KCNIP4: variants seen among roughly 807,000 people sequenced by gnomAD.
KCNIP4 encodes Kv channel-interacting protein 4.
Under a neutral mutation model 34.0 loss-of-function variants are expected in KCNIP4, and 12 were observed. The ratio of observed to expected loss-of-function variants is 0.35; its 90% CI spans 0.23 to 0.57. The LOEUF (loss-of-function observed/expected upper bound fraction) is 0.57. Among genes scored for constraint, KCNIP4 ranks in the 20% least tolerant of loss-of-function variants. The pLI, the probability that KCNIP4 is intolerant of heterozygous loss-of-function variation, is 0.83. For missense variants in KCNIP4, 238 were observed against 311.7 expected (o/e 0.76, Z 1.78); for synonymous variants, 124 against 102.2 (o/e 1.21, Z -1.29).
At chr4:21,431,181 G>A (rs1726410954) in intron 1 of KCNIP4, among the ~76,000 whole-genome samples, 1 of 151,756 alleles carries the variant, frequency 6.6e-6, no homozygotes, top group African/African-American at 2.4e-5. Flanking sequence ...AAAAAAAAAG[G>A]AAAAGTAAGG....
intron 1 of KCNIP4, among the ~76,000 whole-genome samples, chr4:21,202,199 C>T (rs1419860189): frequency 6.6e-6 from 1 of 152,140 alleles, no homozygotes; most frequent in Non-Finnish European, 1.5e-5. Flanking sequence ...TAATGTTGGA[C>T]TGGATAAAGA....
chr4:20,784,076 T>C (rs935555907), intron 3 of KCNIP4, among the ~76,000 whole-genome samples: 3 of 152,196 alleles, frequency 2.0e-5, no homozygotes, highest in Non-Finnish European at 4.4e-5. Context: ...AAAACTCACA[T>C]TCAAACACTA....
chr4:21,828,524 T>C (rs1000150104), intron 1 of KCNIP4, among the ~76,000 whole-genome samples: 13 of 151,852 alleles, frequency 8.6e-5, no homozygotes, highest in Non-Finnish European at 1.5e-4. Context: ...TTGAAAACAA[T>C]GTAAATAAAA....
intron 1 of KCNIP4, among the ~76,000 whole-genome samples, chr4:21,511,714 T>C (rs893340801): frequency 6.6e-6 from 1 of 152,016 alleles, no homozygotes; most frequent in African/African-American, 2.4e-5. Flanking sequence ...CAGAAAATCA[T>C]GTGTCTGAAT....
intron 1 of KCNIP4, among the ~76,000 whole-genome samples, chr4:21,671,996 A>G (rs1344213134): frequency 6.6e-6 from 1 of 152,198 alleles, no homozygotes; most frequent in Non-Finnish European, 1.5e-5. Context: ...TGAGCACTTC[A>G]TAGACTCTCT....
At chr4:21,878,024 T>A (rs530587446) in intron 1 of KCNIP4, among the ~76,000 whole-genome samples, 1 of 152,132 alleles carries the variant, frequency 6.6e-6, no homozygotes. Context: ...TACACTTTTG[T>A]ATGTGTGTGT....
chr4:21,800,910 A>G (rs1402266925), intron 1 of KCNIP4, among the ~76,000 whole-genome samples: 1 of 152,190 alleles, frequency 6.6e-6, no homozygotes, highest in Non-Finnish European at 1.5e-5. Context: ...TATGGTCATA[A>G]CATTTGCCAA....
chr4:21,491,789 A>G (rs1732421076), intron 1 of KCNIP4, among the ~76,000 whole-genome samples: 1 of 151,738 alleles, frequency 6.6e-6, no homozygotes, highest in Non-Finnish European at 1.5e-5. Context: ...ATGTGATAAG[A>G]ATCATTTTCT....
intron 3 of KCNIP4, among the ~76,000 whole-genome samples, chr4:20,841,405 C>A (rs1393756173): frequency 2.0e-5 from 3 of 152,142 alleles, no homozygotes; most frequent in Non-Finnish European, 4.4e-5. Flanking sequence ...CCAAAATAAG[C>A]ACTATGATGG....
chr4:21,637,229 C>T (rs766783143), intron 1 of KCNIP4, among the ~76,000 whole-genome samples: 4 of 151,978 alleles, frequency 2.6e-5, no homozygotes, highest in Non-Finnish European at 5.9e-5. Context: ...TTCTCCAGGT[C>T]GGGTATCATT....
chr4:21,713,046 C>A (rs1713868401), intron 1 of KCNIP4, among the ~76,000 whole-genome samples: 1 of 152,112 alleles, frequency 6.6e-6, no homozygotes, highest in South Asian at 2.1e-4. Flanking sequence ...CTGTGCTTTC[C>A]AGGCCAGCTC....
chr4:21,766,149 C>T (rs897735905), intron 1 of KCNIP4, among the ~76,000 whole-genome samples: 7 of 152,134 alleles, frequency 4.6e-5, no homozygotes, highest in East Asian at 3.9e-4. Context: ...TTCCTGCTAA[C>T]GGAGCAGGTG....
intron 1 of KCNIP4, among the ~76,000 whole-genome samples, chr4:21,562,701 C>T (rs1404543717): frequency 1.3e-5 from 2 of 151,930 alleles, no homozygotes; most frequent in African/African-American, 2.4e-5. Flanking sequence ...AGGCCAACAA[C>T]AAAAGCAAAC....
chr4:21,065,726 C>CTATA (rs5856598), intron 1 of KCNIP4, among the ~76,000 whole-genome samples: 7,846 of 85,776 alleles, frequency 0.091, 363 homozygotes, highest in Non-Finnish European at 0.11. Flanking sequence ...TATCATTTGT[C>CTATA]TATATATATA....
chr4:21,139,300 A>T lies in KCNIP4; in HGVS notation c.62-256591T>A, dbSNP rs1751751315. Among the ~76,000 whole-genome samples the T allele has an allele frequency of 2.6e-5, 4 of 152,350 alleles. No homozygotes were observed. The South Asian group carries it at 8.3e-4, about 32-fold the overall frequency. On this transcript the variant is annotated intron_variant, in intron 1 of 8. Coordinates refer to ENST00000382152, the MANE Select transcript of KCNIP4 (RefSeq NM_025221.6). Reference sequence around the variant, plus strand: ...CGAAAAAGAGAGACAGATAAGACAAAAATAGAAACGTAAACAAAAGTAAGC... The same window carrying T: ...CGAAAAAGAGAGACAGATAAGACAATAATAGAAACGTAAACAAAAGTAAGC...
intron 1 of KCNIP4, among the ~76,000 whole-genome samples, chr4:21,401,426 A>G (rs769398937): frequency 1.1e-4 from 17 of 152,226 alleles, no homozygotes; most frequent in Non-Finnish European, 1.8e-4. Flanking sequence ...GGGGCTCCCC[A>G]AACACTTCCA....
chr4:20,874,893 T>G (rs1219939845), intron 2 of KCNIP4, among the ~76,000 whole-genome samples: 1 of 152,198 alleles, frequency 6.6e-6, no homozygotes, highest in African/African-American at 2.4e-5. Context: ...CAGGGTTAAA[T>G]GGAGTTTCTA....
chr4:21,251,770 C>A (rs1490331873), intron 1 of KCNIP4, among the ~76,000 whole-genome samples: 3 of 151,046 alleles, frequency 2.0e-5, no homozygotes, highest in African/African-American at 7.3e-5. Context: ...GAACAAAAAA[C>A]CAAACACCGC....
intron 1 of KCNIP4, among the ~76,000 whole-genome samples, chr4:20,887,876 A>G (rs765187353): frequency 7.3e-5 from 11 of 151,688 alleles, no homozygotes; most frequent in Non-Finnish European, 1.3e-4. Context: ...CTTTGTTTAA[A>G]ACAGCAAAAA....
Sources: allele counts gnomAD v4.1 joint callset (sites outside exome capture counted in the v4.1 genomes callset), GRCh38; gene constraint gnomAD v4.1.1; transcripts MANE v1.5; gene names NCBI Gene and HGNC (gene_info 2026-07-23, HGNC 2026-07-21).